MYH13: variants seen among roughly 807,000 people sequenced by gnomAD.
MYH13 encodes the protein myosin heavy chain 13.
A neutral mutation model predicts 232.1 loss-of-function variants in MYH13; 177 were observed. That is an observed-to-expected ratio of 0.76 (90% CI 0.67 to 0.86). The LOEUF (loss-of-function observed/expected upper bound fraction) is 0.86, where lower values mean the gene tolerates loss of function less well. Among genes scored for constraint, MYH13 ranks in the 40% least tolerant of loss-of-function variants. The pLI is 0.00. For synonymous variants in MYH13, 884 were observed against 923.5 expected (o/e 0.96, Z 0.78); for missense variants, 2,246 against 2,405.9 (o/e 0.93, Z 1.39).
At chr17:10,343,628 G>A (rs140997772) in intron 16 of MYH13, among the ~76,000 whole-genome samples, 172 bp downstream of exon 16, 76 of 152,318 alleles carry the variant, frequency 5.0e-4, no homozygotes, top group African/African-American at 1.7e-3. Flanking sequence ...ATAGAGCCCA[G>A]TCTCTTACAG....
At chr17:10,370,914 C>T (rs1018140210) in intron 2 of MYH13, among the ~76,000 whole-genome samples, 1 of 152,096 alleles carries the variant, frequency 6.6e-6, no homozygotes, top group Non-Finnish European at 1.5e-5. Flanking sequence ...GCATTTGGAC[C>T]CTATGAACAT....
chr17:10,316,134 A>C (rs1326024893), intron 27 of MYH13, 109 bp from the exon 28 acceptor site: 2 of 1,367,014 alleles, frequency 1.5e-6, no homozygotes, highest in African/African-American at 1.5e-5. Flanking sequence ...AATAAAAATA[A>C]AAGTACAGAA....
At chr17:10,335,673 T>G (rs2071567803) in intron 18 of MYH13, among the ~76,000 whole-genome samples, 1 of 151,652 alleles carries the variant, frequency 6.6e-6, no homozygotes, top group African/African-American at 2.4e-5. Context: ...GAGGATTGCT[T>G]AAACTGGGGA....
chr17:10,349,712 T>C (rs936109314), intron 12 of MYH13, among the ~76,000 whole-genome samples: 1 of 152,090 alleles, frequency 6.6e-6, no homozygotes, highest in African/African-American at 2.4e-5. Context: ...AAGGGAGAAT[T>C]ATCCCAGGCA....
intron 22 of MYH13, among the ~76,000 whole-genome samples, chr17:10,326,016 T>C (rs984372782): frequency 6.6e-6 from 1 of 152,138 alleles, no homozygotes; most frequent in African/African-American, 2.4e-5. Flanking sequence ...GGGTAATGCA[T>C]GGGAGGAGAC....
chr17:10,367,293 ATATT>A (rs1036152260), intron 2 of MYH13, among the ~76,000 whole-genome samples: 3 of 152,242 alleles, frequency 2.0e-5, no homozygotes, highest in Non-Finnish European at 4.4e-5. Context: ...AAATTAAAAA[ATATT>A]TATTCATTAA....
intron 18 of MYH13, among the ~76,000 whole-genome samples, chr17:10,335,707 A>G (rs2071567999): frequency 6.6e-6 from 1 of 152,054 alleles, no homozygotes; most frequent in Admixed American, 6.6e-5. Flanking sequence ...GTGAGCTGAG[A>G]TGGCGCCACT....
intron 22 of MYH13, among the ~76,000 whole-genome samples, chr17:10,326,327 T>A (rs1053027877): frequency 1.3e-5 from 2 of 152,194 alleles, no homozygotes; most frequent in African/African-American, 4.8e-5. Flanking sequence ...ATTGGGAAAG[T>A]GAAAAGGGGA....
intron 18 of MYH13, among the ~76,000 whole-genome samples, chr17:10,336,997 A>G (rs1597382720): frequency 6.7e-6 from 1 of 148,848 alleles, no homozygotes; most frequent in East Asian, 2.0e-4. Flanking sequence ...GGCTCACTGC[A>G]CCCACCGCCT....
In MYH13 at chr17:10,372,956, AGTGAGCACTT is replaced by A. The variant is rs2093082865; in HGVS notation, c.-64+13_-64+22del. ...CAACTATAGCTACGTGGAGCAAAAA[AGTGAGCACTT>A]GTGAGCACTTACCTAGAGATGCTGC... On this transcript the variant is annotated intron_variant, in intron 1 of 40. Transcript: ENST00000252172. The A allele has an allele frequency of 6.6e-6, 1 of 152,134 alleles. No individual in the cohort carries two copies. The highest frequency in any genetic ancestry group is 2.4e-5 in the African/African-American group (1 of 41,422). The allele number at this position is 152,134 out of a possible 1,614,324, so 9.4% of individuals were successfully genotyped here.
chr17:10,371,560 T>C (rs558510122), intron 1 of MYH13, among the ~76,000 whole-genome samples: 2 of 152,320 alleles, frequency 1.3e-5, no homozygotes, highest in Admixed American at 1.3e-4. Flanking sequence ...GTATCTGCCC[T>C]ATAGGAATGC....
chr17:10,311,336 G>A (rs1906502551), intron 32 of MYH13, 109 bp from the exon 33 acceptor site: 1 of 1,382,364 alleles, frequency 7.2e-7, no homozygotes, highest in South Asian at 1.4e-5. Flanking sequence ...ATTTATACAG[G>A]AGAGAATACA....
chr17:10,357,692 G>A, intron 8 of MYH13, 43 bp downstream of exon 8: 15 of 1,558,316 alleles, frequency 9.6e-6, no homozygotes, highest in Non-Finnish European at 1.2e-5. Context: ...TCAGGAGAGG[G>A]TATGCTTTTG....
chr17:10,327,280 C>A (rs1907248177), intron 22 of MYH13, among the ~76,000 whole-genome samples: 1 of 151,172 alleles, frequency 6.6e-6, no homozygotes, highest in Non-Finnish European at 1.5e-5. Context: ...GGATTACAGG[C>A]GTGAGCCACC....
intron 33 of MYH13, among the ~76,000 whole-genome samples, chr17:10,310,083 A>G (rs905852171): frequency 5.4e-5 from 8 of 146,884 alleles, no homozygotes; most frequent in Admixed American, 3.5e-4. Flanking sequence ...CAGAGCCCAA[A>G]TAGGTTTTGT....
chr17:10,333,888 A>C (rs1245379017), intron 18 of MYH13, among the ~76,000 whole-genome samples: 1 of 151,768 alleles, frequency 6.6e-6, no homozygotes, highest in Non-Finnish European at 1.5e-5. Context: ...AGTCTAGGCA[A>C]GAAGAGTGAA....
intron 11 of MYH13, among the ~76,000 whole-genome samples, chr17:10,351,895 T>G (rs2071713468): frequency 6.6e-6 from 1 of 152,164 alleles, no homozygotes; most frequent in African/African-American, 2.4e-5. Flanking sequence ...GCACGTAGGA[T>G]AGACCCAATA....
intron 32 of MYH13, 119 bp downstream of exon 32, chr17:10,311,792 G>T (rs1906516220): frequency 1.7e-6 from 2 of 1,185,692 alleles, no homozygotes; most frequent in Non-Finnish European, 1.2e-6. Context: ...AGGCATGATG[G>T]GTGAGGATCG....
chr17:10,363,315 CA>C (rs11390504), intron 3 of MYH13, among the ~76,000 whole-genome samples: 5,514 of 91,534 alleles, frequency 0.06, 50 homozygotes, highest in Admixed American at 0.1. Context: ...GACTCCGTCT[CA>C]AAAAAAAAAA....
Sources: gnomAD v4.1 joint callset for allele counts (sites outside exome capture counted in the v4.1 genomes callset) on GRCh38, gnomAD v4.1.1 for gene constraint, MANE v1.5 for transcripts, NCBI Gene and HGNC (gene_info 2026-07-23, HGNC 2026-07-21) for gene names.